Variants in SPAG1 observed in about 807,000 individuals in gnomAD.
SPAG1 encodes the protein sperm-associated antigen 1.
SPAG1 carries 69 observed loss-of-function variants against 100.5 expected under a neutral mutation model. The observed-to-expected ratio is 0.69, with a 90% CI of 0.57 to 0.84. The LOEUF (loss-of-function observed/expected upper bound fraction) is 0.84. Ranked by LOEUF, SPAG1 falls within the 40% of genes least tolerant of loss-of-function variation. The pLI is 0.00. For missense variants in SPAG1, 955 were observed against 1,133.1 expected (o/e 0.84, Z 2.26); for synonymous variants, 336 against 411.6 (o/e 0.82, Z 2.22).
intron 3 of SPAG1, among the ~76,000 whole-genome samples, chr8:100,172,634 A>ATATGTGTGTG (rs371641955): frequency 6.9e-6 from 1 of 145,462 alleles, no homozygotes; most frequent in African/African-American, 2.5e-5. Context: ...AAAGAAATAT[A>ATATGTGTGTG]TGTGTGTGTG....
At chr8:100,188,823 G>A (rs1372205562) in intron 8 of SPAG1, among the ~76,000 whole-genome samples, 2 of 152,156 alleles carry the variant, frequency 1.3e-5, no homozygotes. Flanking sequence ...GGGGAAGCCT[G>A]GTGCATCACC....
chr8:100,227,955 T>C (rs1818591107), intron 14 of SPAG1, among the ~76,000 whole-genome samples: 1 of 151,140 alleles, frequency 6.6e-6, no homozygotes, highest in Non-Finnish European at 1.5e-5. Flanking sequence ...CAGGCAGTCT[T>C]CCCACCTCAG....
At chr8:100,226,565 G>A (rs1818522609) in intron 14 of SPAG1, among the ~76,000 whole-genome samples, 1 of 152,022 alleles carries the variant, frequency 6.6e-6, no homozygotes, top group Admixed American at 6.6e-5. Flanking sequence ...TTAGCCAAGC[G>A]TGGTGGTGCA....
chr8:100,177,615 G>A (rs1816184991), intron 3 of SPAG1, among the ~76,000 whole-genome samples: 1 of 151,312 alleles, frequency 6.6e-6, no homozygotes, highest in African/African-American at 2.4e-5. Flanking sequence ...TAATTTTTTT[G>A]ATATTTCTAA....
At position 100,176,199 on chromosome 8, in the gene SPAG1, T is replaced by G. The variant is rs551803645; in HGVS notation, c.301-1617T>G. On this transcript the variant is annotated intron_variant, in intron 3 of 18. Transcript: ENST00000388798. ...GGTGCTTTTCCTGTTCTCTTGACATTTTAAAAGCCAAACCTTTTTCTAAAA... is the reference window on the plus strand; with the variant it reads ...GGTGCTTTTCCTGTTCTCTTGACATGTTAAAAGCCAAACCTTTTTCTAAAA... Among the ~76,000 whole-genome samples, 19 of 152,320 alleles carry G rather than the reference T, an allele frequency of 1.2e-4. No individual in the cohort carries two copies. In the East Asian group the frequency reaches 2.3e-3, roughly 19 times the overall value.
Position 100,184,716 on chromosome 8 carries a change from A to G in SPAG1, c.684A>G (p.Ala228=). The change falls in exon 7 of 19, where the codon GCA becomes GCG. Residue 228 remains alanine (A), a synonymous_variant. Coordinates refer to ENST00000388798, the MANE Select transcript of SPAG1 (RefSeq NM_003114.5). ...TCAACTCAGGAGATTATGAAGAAGC[A>G]GTGATGTATTATACCAGGTGAGCAG... ...EAFNSGDYEE[A]VMYYTRSISA... is the part of the protein sequence containing the mutation. 2 of 1,584,822 alleles carry G rather than the reference A, an allele frequency of 1.3e-6. No individual in the cohort carries two copies. The highest frequency in any genetic ancestry group is 1.7e-6 in the Non-Finnish European group (2 of 1,168,536).
chr8:100,214,189 TAATTCC>T (rs1817868227), intron 12 of SPAG1, among the ~76,000 whole-genome samples: 1 of 152,230 alleles, frequency 6.6e-6, no homozygotes. Flanking sequence ...GCCTGATAAC[TAATTCC>T]AATCCACTGC....
At chr8:100,232,880 G>A (rs772923775) in intron 15 of SPAG1, among the ~76,000 whole-genome samples, 10 of 152,186 alleles carry the variant, frequency 6.6e-5, no homozygotes, top group South Asian at 6.2e-4. Context: ...CCAGCCATAT[G>A]GAACTCTTCT....
At chr8:100,228,166 A>G (rs977687507) in intron 14 of SPAG1, among the ~76,000 whole-genome samples, 3 of 152,138 alleles carry the variant, frequency 2.0e-5, no homozygotes, top group Admixed American at 1.3e-4. Flanking sequence ...AACATGAAAC[A>G]TGGGCAGAAA....
intron 10 of SPAG1, among the ~76,000 whole-genome samples, chr8:100,195,855 C>T (rs920037358): frequency 4.6e-5 from 7 of 152,116 alleles, no homozygotes; most frequent in African/African-American, 1.7e-4. Flanking sequence ...GGATACAGAA[C>T]AGTTCTACCA....
intron 14 of SPAG1, among the ~76,000 whole-genome samples, chr8:100,229,281 G>A (rs1224531696): frequency 6.6e-6 from 1 of 152,146 alleles, no homozygotes; most frequent in Non-Finnish European, 1.5e-5. Context: ...TTAGCCGGGC[G>A]TGGTGGTGGG....
chr8:100,232,594 C>T (rs1327516749), intron 15 of SPAG1, among the ~76,000 whole-genome samples: 1 of 152,168 alleles, frequency 6.6e-6, no homozygotes, highest in Non-Finnish European at 1.5e-5. Context: ...CTCCTTGCCA[C>T]CATCCCCCTG....
Position 100,162,355 on chromosome 8 carries a change from A to G in SPAG1, c.75A>G (p.Leu25=), listed in dbSNP as rs2132184351. 3 of 1,602,034 alleles carry G rather than the reference A, an allele frequency of 1.9e-6. No homozygotes were observed. The highest frequency in any genetic ancestry group is 2.6e-6 in the Non-Finnish European group (3 of 1,175,014). The change falls in exon 2 of 19, where the codon CTA becomes CTG. Residue 25 remains leucine, a synonymous_variant. Transcript: ENST00000388798. Reference sequence around the variant, plus strand: ...CATTCAAAATTCCCATTGAACATCTAGATTTCAAATACATTGAAAAATGTT... The same window carrying G: ...CATTCAAAATTCCCATTGAACATCTGGATTTCAAATACATTGAAAAATGTT... ...TKTFKIPIEH[L]DFKYIEKCSD...
Position 100,210,489 on chromosome 8 carries a change from G to A in SPAG1, c.1097-2601G>A, listed in dbSNP as rs1338021123. 2.0e-5 allele frequency among the ~76,000 whole-genome samples: 3 copies of A among 152,064 alleles called. No individual in the cohort carries two copies. In the East Asian group the frequency reaches 5.8e-4, roughly 29 times the overall value. On this transcript the variant is annotated intron_variant, in intron 10 of 18. Transcript: ENST00000388798. Reference sequence around the variant, plus strand: ...TACACTGTTGGCCATTCATTCCTTTGATAGTTGTTATTGTTGACTCCTTTC... The same window carrying A: ...TACACTGTTGGCCATTCATTCCTTTAATAGTTGTTATTGTTGACTCCTTTC...
intron 10 of SPAG1, among the ~76,000 whole-genome samples, chr8:100,208,159 A>G (rs1303789640): frequency 1.3e-5 from 2 of 152,214 alleles, no homozygotes; most frequent in African/African-American, 4.8e-5. Context: ...TGCTGCCACA[A>G]GGAGACACAA....
Position 100,189,775 on chromosome 8 carries a change from A to C in SPAG1, c.833-1615A>C, listed in dbSNP as rs368367227. ...AATCTCCAATGATTCCAAAATAAAAAGTTTTAAAAAAGGATAATCATTATG... is the reference window on the plus strand; with the variant it reads ...AATCTCCAATGATTCCAAAATAAAACGTTTTAAAAAAGGATAATCATTATG... On this transcript the variant is annotated intron_variant, in intron 8 of 18. Transcript: ENST00000388798. Among the ~76,000 whole-genome samples the C allele has an allele frequency of 1.1e-3, 163 of 152,370 alleles. 1 individual carries two copies. The highest frequency in any genetic ancestry group is 6.8e-3 in the Middle Eastern group (2 of 294).
chr8:100,198,233 G>A (rs1281293482), intron 10 of SPAG1, among the ~76,000 whole-genome samples: 1 of 151,980 alleles, frequency 6.6e-6, no homozygotes, highest in East Asian at 1.9e-4. Context: ...AGAACTGGCA[G>A]GATCAGGAGA....
rs1321046245 is a variant in SPAG1, at chr8:100,220,432, G to C, written c.1688+1G>C. ...AGCTAGCAAATGACAGTGTTAACAG[G>C]TAATTAATCTGAGGCAGCTACCTAA... On this transcript the variant is annotated splice_donor_variant, in intron 13 of 18. Transcript: ENST00000388798. LOFTEE classifies it high-confidence loss of function. 1 of 1,604,886 alleles carries C rather than the reference G, an allele frequency of 6.2e-7. No individual in the cohort carries two copies. The highest frequency in any genetic ancestry group is 2.2e-5 in the East Asian group (1 of 44,686).
chr8:100,166,640 T>C lies in SPAG1; in HGVS notation c.300+667T>C, dbSNP rs184457077. 2.0e-3 allele frequency among the ~76,000 whole-genome samples: 301 copies of C among 152,130 alleles called. 2 individuals are homozygous for C. The highest frequency in any genetic ancestry group is 6.7e-3 in the African/African-American group (278 of 41,506). ...AAATTGCTTGGTCAGATGTGGTTGC[T>C]CACACCACCTGTAATCCCAGCACTT... On this transcript the variant is annotated intron_variant, in intron 3 of 18. Transcript: ENST00000388798.
Sources: allele counts gnomAD v4.1 joint callset (sites outside exome capture counted in the v4.1 genomes callset), GRCh38; gene constraint gnomAD v4.1.1; transcripts MANE v1.5; gene names NCBI Gene and HGNC (gene_info 2026-07-23, HGNC 2026-07-21).